The following ZNF443 variants were observed in gnomAD, a reference collection of about 807,000 sequenced individuals.
ZNF443 encodes the protein Kruppel-type zinc finger (C2H2).
ZNF443 carries 3 observed loss-of-function variants against 12.0 expected under a neutral mutation model. The observed-to-expected ratio is 0.25, with a 90% CI of 0.11 to 0.64. The LOEUF (loss-of-function observed/expected upper bound fraction) is 0.64. Among genes scored for constraint, ZNF443 ranks in the 30% least tolerant of loss-of-function variants. The pLI is 0.84. For synonymous variants in ZNF443, 225 were observed against 265.9 expected, an observed-to-expected ratio of 0.85 and a Z score of 1.50; for missense variants, 770 against 808.8, an observed-to-expected ratio of 0.95 and a Z score of 0.58.
intron 1 of ZNF443, among the ~76,000 whole-genome samples, chr19:12,438,726 G>C (rs1970337750): frequency 2.0e-5 from 3 of 151,466 alleles, no homozygotes; most frequent in Admixed American, 6.6e-5. Context: ...AAGCTCTGGG[G>C]CAAAAAAAAT....
At position 12,430,661 on chromosome 19, in the gene ZNF443, T is replaced by C. The variant is rs1006325168; in HGVS notation, c.1511A>G (p.Tyr504Cys). The C allele has an allele frequency of 5.0e-6, 8 of 1,614,130 alleles. No homozygotes were observed. Among genetic ancestry groups the C allele is most frequent in the Non-Finnish European group, 5.9e-6 (7 of 1,179,990 alleles). The change falls in exon 4 of 4, where the codon TAT (tyrosine) becomes TGT (cysteine). Residue 504 changes from tyrosine to cysteine, a missense_variant. Tyr to Cys is a radical substitution (Grantham distance 194). Transcript: ENST00000301547. ...HKTTHTGEKP[Y>C]ECKECGKAFS... ...TGCTTTCCCACATTCCTTACACTCA[T>C]ATGGCTTCTCTCCAGTGTGAGTTGT...
chr19:12,439,495 C>T (rs1970344355), intron 1 of ZNF443, among the ~76,000 whole-genome samples: 1 of 152,084 alleles, frequency 6.6e-6, no homozygotes, highest in African/African-American at 2.4e-5. Context: ...TGTGGACATC[C>T]ATTTTTTTTG....
Position 12,431,822 on chromosome 19 carries a change from G to A in ZNF443, c.350C>T (p.Ser117Phe), listed in dbSNP as rs1253669600. 9 of 1,613,976 alleles carry A rather than the reference G, an allele frequency of 5.6e-6. No homozygotes were observed. Among genetic ancestry groups the A allele is most frequent in the Admixed American group, 3.3e-5 (2 of 59,996 alleles). ...MRGEKVMGHS[S>F]LNCYIRVGAG... is the part of the protein sequence containing the mutation. Reference sequence around the variant, plus strand: ...ACCAACTCTGATGTAACAATTAAGGGATGAATGACCCATGACTTTTTCTCC... The same window carrying A: ...ACCAACTCTGATGTAACAATTAAGGAATGAATGACCCATGACTTTTTCTCC... The change falls in exon 4 of 4, where the codon TCC (serine) becomes TTC (phenylalanine). Residue 117 changes from serine (S) to phenylalanine (F), a missense_variant. By Grantham distance (155) the Ser-to-Phe change is radical. Coordinates refer to ENST00000301547, the MANE Select transcript of ZNF443 (RefSeq NM_005815.5).
intron 1 of ZNF443, among the ~76,000 whole-genome samples, chr19:12,434,502 T>A (rs1402150708): frequency 5.3e-5 from 8 of 152,144 alleles, no homozygotes; most frequent in Non-Finnish European, 1.2e-4. Flanking sequence ...CAATGTCATC[T>A]CTCATGAATA....
chr19:12,429,894 T>G lies in ZNF443; in HGVS notation c.*262A>C. Reference sequence around the variant, plus strand: ...GGTATTTTAAGTAATCTAGACATAATTGAGACTATACAAGAGGATGTGGGT... The same window carrying G: ...GGTATTTTAAGTAATCTAGACATAAGTGAGACTATACAAGAGGATGTGGGT... On this transcript the variant is annotated 3_prime_UTR_variant, in exon 4 of 4. Transcript: ENST00000301547. 1.7e-6 allele frequency: 1 copy of G among 586,176 alleles called. No homozygotes were observed. Among genetic ancestry groups the G allele is most frequent in the East Asian group, 2.9e-5 (1 of 34,106 alleles). The allele number at this position is 586,176 out of a possible 1,614,324, so 36.3% of individuals were successfully genotyped here.
intron 1 of ZNF443, among the ~76,000 whole-genome samples, chr19:12,440,648 T>C (rs1395217416): frequency 6.6e-6 from 1 of 152,152 alleles, no homozygotes; most frequent in Non-Finnish European, 1.5e-5. Context: ...CCGCACAATC[T>C]GGGGAGACCC....
chr19:12,438,750 T>C (rs955909970), intron 1 of ZNF443, among the ~76,000 whole-genome samples: 2 of 152,062 alleles, frequency 1.3e-5, no homozygotes, highest in African/African-American at 2.4e-5. Context: ...TAAAGGCTTT[T>C]AAAAAATGGA....
chr19:12,434,613 A>G (rs1262114411), intron 1 of ZNF443, among the ~76,000 whole-genome samples: 1 of 152,158 alleles, frequency 6.6e-6, no homozygotes, highest in Non-Finnish European at 1.5e-5. Flanking sequence ...AAATGCTGGA[A>G]ACTTTCTCAC....
chr19:12,430,713 C>T lies in ZNF443; in HGVS notation c.1459G>A (p.Asp487Asn). Residue 487 changes from aspartate (D) to asparagine (N), a missense_variant, in exon 4 of 4, where the codon GAT becomes AAT. Transcript: ENST00000301547. ...YKCKLGKACI[D>N]FCSFQNHKTT... ...TTGTGATTTTGAAAGGAACAGAAAT[C>T]AATACAGGCTTTCCCAAGTTTGCAT... 1 of 1,613,200 alleles carries T rather than the reference C, an allele frequency of 6.2e-7. No homozygotes were observed. The highest frequency in any genetic ancestry group is 2.2e-5 in the East Asian group (1 of 44,822).
rs908278779 is a variant in ZNF443, at chr19:12,431,885, G to C, written c.287C>G (p.Thr96Ser). The C allele has an allele frequency of 6.2e-7, 1 of 1,613,960 alleles. No homozygotes were observed. The highest frequency in any genetic ancestry group is 8.5e-7 in the Non-Finnish European group (1 of 1,179,988). ...QIQDSIVTKN[T>S]LPGVGPCESS... ...TTCACAAGGACCTACTCCAGGAAGA[G>C]TGTTCTTGGTCACAATACTATCTTG... The change falls in exon 4 of 4, where the codon ACT becomes AGT. Residue 96 changes from threonine (T) to serine (S), a missense_variant. Around this residue, in one of 3 missense-constraint regions of ZNF443, gnomAD observed 736 missense variants for 689.4 expected, o/e 1.07. Transcript: ENST00000301547.
chr19:12,437,694 AAAACT>A (rs1385270957), intron 1 of ZNF443, among the ~76,000 whole-genome samples: 8 of 152,106 alleles, frequency 5.3e-5, no homozygotes, highest in African/African-American at 1.7e-4. Flanking sequence ...TGTGTGCAAG[AAAACT>A]ATTTTTTTTA....
chr19:12,430,413 A>G lies in ZNF443; in HGVS notation c.1759T>C (p.Ser587Pro), dbSNP rs754826927. 7.0e-6 allele frequency: 11 copies of G among 1,573,478 alleles called. No homozygotes were observed. Among genetic ancestry groups the G allele is most frequent in the South Asian group, 2.4e-5 (2 of 84,180 alleles). The change falls in exon 4 of 4, where the codon TCC becomes CCC. Residue 587 changes from serine (S) to proline (P), a missense_variant. Transcript: ENST00000301547. ...TTACCACATTGTGGACATTCATAGGATTTCTCTCTCATGTGAATTCTTTCA... is the reference window on the plus strand; with the variant it reads ...TTACCACATTGTGGACATTCATAGGGTTTCTCTCTCATGTGAATTCTTTCA... Reference protein sequence around the residue: ...RHERIHMREKSYECPQCGKAF... With the variant: ...RHERIHMREKPYECPQCGKAF...
At chr19:12,438,682 C>T (rs547177750) in intron 1 of ZNF443, among the ~76,000 whole-genome samples, 4 of 151,858 alleles carry the variant, frequency 2.6e-5, no homozygotes, top group African/African-American at 7.2e-5. Flanking sequence ...TGAAATCATC[C>T]GAAAAACAAA....
In ZNF443 at chr19:12,431,809, G is replaced by A. The variant is rs1599620548; in HGVS notation, c.363C>T (p.Tyr121=). ...GTTTGTGCCCAGCACCAACTCTGAT[G>A]TAACAATTAAGGGATGAATGACCCA... ...KVMGHSSLNC[Y]IRVGAGHKPH... is the part of the protein sequence containing the mutation. The change falls in exon 4 of 4, where the codon TAC becomes TAT. Residue 121 remains tyrosine (Y), a synonymous_variant. Coordinates refer to ENST00000301547, the MANE Select transcript of ZNF443 (RefSeq NM_005815.5). The A allele has an allele frequency of 1.9e-6, 3 of 1,614,132 alleles. 1 individual carries two copies. The highest frequency in any genetic ancestry group is 2.5e-6 in the Non-Finnish European group (3 of 1,180,012).
At chr19:12,440,864 T>C in intron 1 of ZNF443, 48 bp downstream of exon 1, 2 of 1,613,774 alleles carry the variant, frequency 1.2e-6, no homozygotes, top group Non-Finnish European at 1.7e-6. Flanking sequence ...TACGGCCGGT[T>C]CCACCTAACC....
chr19:12,437,971 C>A (rs1320265959), intron 1 of ZNF443, among the ~76,000 whole-genome samples: 1 of 151,440 alleles, frequency 6.6e-6, no homozygotes, highest in Non-Finnish European at 1.5e-5. Context: ...CATGGTAGCA[C>A]GCACCCGTAG....
intron 1 of ZNF443, among the ~76,000 whole-genome samples, chr19:12,437,537 C>G (rs1231357899): frequency 2.7e-5 from 4 of 148,558 alleles, no homozygotes; most frequent in Non-Finnish European, 4.5e-5. Context: ...TGAAAAAAAC[C>G]GACAAGTATA....
In ZNF443 at chr19:12,431,292, T is replaced by C. The variant is rs751571415; in HGVS notation, c.880A>G (p.Ser294Gly). ...GTTCTTTCATGTATTAGACAAGAACTGGAATCAGGGAAGGCTTTAGAACAC... is the reference window on the plus strand; with the variant it reads ...GTTCTTTCATGTATTAGACAAGAACCGGAATCAGGGAAGGCTTTAGAACAC... ...KQCSKAFPDS[S>G]SCLIHERTHT... is the part of the protein sequence containing the mutation. The change falls in exon 4 of 4, where the codon AGT becomes GGT. Residue 294 changes from serine (S) to glycine (G), a missense_variant. Transcript: ENST00000301547. The C allele has an allele frequency of 1.9e-6, 3 of 1,614,166 alleles. No individual in the cohort carries two copies. Among genetic ancestry groups the C allele is most frequent in the Non-Finnish European group, 2.5e-6 (3 of 1,179,990 alleles).
intron 1 of ZNF443, among the ~76,000 whole-genome samples, chr19:12,437,589 A>G (rs1261702401): frequency 6.6e-6 from 1 of 152,162 alleles, no homozygotes; most frequent in Non-Finnish European, 1.5e-5. Context: ...GAATCCAAGT[A>G]TATCAATAAC....
Sources: gnomAD v4.1 joint callset for allele counts (sites outside exome capture counted in the v4.1 genomes callset) on GRCh38, gnomAD v4.1.1 for gene constraint, gnomAD v4.1.1 regional missense constraint, MANE v1.5 for transcripts, NCBI Gene and HGNC (gene_info 2026-07-23, HGNC 2026-07-21) for gene names.